Variants in ARHGEF4 observed in about 807,000 individuals in gnomAD.
ARHGEF4 encodes the protein Rho guanine nucleotide exchange factor 4, also known as APC-stimulated guanine nucleotide exchange factor 1.
ARHGEF4 carries 119 observed loss-of-function variants against 162.0 expected under a neutral mutation model. That is an observed-to-expected ratio of 0.73 (90% CI 0.63 to 0.86). ARHGEF4 has a LOEUF of 0.86. Ranked by LOEUF, ARHGEF4 falls within the 40% of genes least tolerant of loss-of-function variation. ARHGEF4 has a pLI of 0.00. For missense variants in ARHGEF4, 2,488 were observed against 2,456.0 expected, an observed-to-expected ratio of 1.01 and a Z score of -0.28; for synonymous variants, 1,014 against 979.9, an observed-to-expected ratio of 1.03 and a Z score of -0.65.
At chr2:130,927,259 T>G (rs1682351935) in intron 2 of ARHGEF4, among the ~76,000 whole-genome samples, 1 of 152,130 alleles carries the variant, frequency 6.6e-6, no homozygotes, top group South Asian at 2.1e-4. Flanking sequence ...CTAGCAGGCC[T>G]TCTCCTGCAT....
intron 4 of ARHGEF4, among the ~76,000 whole-genome samples, chr2:130,964,942 G>A (rs556708828): frequency 1.3e-5 from 2 of 152,330 alleles, no homozygotes; most frequent in Admixed American, 1.3e-4. Context: ...GTCAAGAGTG[G>A]TTTTATGAAT....
chr2:131,011,628 CA>C lies in ARHGEF4; in HGVS notation c.3986-16313del, dbSNP rs929324999. On this transcript the variant is annotated intron_variant, in intron 4 of 13. Transcript: ENST00000409359. ...ATTGGTCGTTCCTGGTAGCTTCTCT[CA>C]AAACTGGTTAACTGAGATTGGTCAA... 49 of 1,532,188 alleles carry C rather than the reference CA, an allele frequency of 3.2e-5. No homozygotes were observed. The Middle Eastern group carries it at 4.1e-3, about 130-fold the overall frequency. The allele number at this position is 1,532,188 out of a possible 1,614,324, so 94.9% of individuals were successfully genotyped here. A position where few individuals can be genotyped will look rare whatever the true frequency, so the allele number is the denominator to read the frequency against.
chr2:130,959,407 G>A (rs1288827725), intron 4 of ARHGEF4, among the ~76,000 whole-genome samples: 1 of 152,150 alleles, frequency 6.6e-6, no homozygotes, highest in Non-Finnish European at 1.5e-5. Context: ...GTTGCACAGT[G>A]GTTCAAAGCA....
intron 5 of ARHGEF4, among the ~76,000 whole-genome samples, chr2:131,029,983 C>T (rs1242987422): frequency 6.6e-6 from 1 of 152,208 alleles, no homozygotes; most frequent in Non-Finnish European, 1.5e-5. Flanking sequence ...AGCTGGTTCA[C>T]ATGGCTGTGA....
intron 3 of ARHGEF4, among the ~76,000 whole-genome samples, chr2:130,937,802 G>A (rs1683052410): frequency 6.6e-6 from 1 of 151,910 alleles, no homozygotes; most frequent in Admixed American, 6.6e-5. Flanking sequence ...CAAGTTGCTG[G>A]GACTACAGGC....
intron 1 of ARHGEF4, chr2:130,837,700 A>G (rs1259342562): frequency 2.3e-6 from 1 of 426,874 alleles, no homozygotes. Context: ...CGACCTCCCC[A>G]GGTGAGCCAG....
At position 130,847,871 on chromosome 2, in the gene ARHGEF4, G is replaced by A. The variant is rs1213454871; in HGVS notation, c.39+10879G>A. 3.9e-5 allele frequency among the ~76,000 whole-genome samples: 6 copies of A among 152,350 alleles called. No homozygotes were observed. In the East Asian group the frequency reaches 1.2e-3, roughly 29 times the overall value. On this transcript the variant is annotated intron_variant, in intron 1 of 13. Transcript: ENST00000409359. Reference sequence around the variant, plus strand: ...TCCACTGCCCCTGGCATGAGGGCCTGCGTGCCCTGACCCTCCCCACAGCCC... The same window carrying A: ...TCCACTGCCCCTGGCATGAGGGCCTACGTGCCCTGACCCTCCCCACAGCCC...
intron 4 of ARHGEF4, among the ~76,000 whole-genome samples, chr2:130,968,198 A>G (rs4850159): frequency 0.79 from 120,050 of 152,168 alleles, 48,420 homozygotes; most frequent in East Asian, 1. Flanking sequence ...GGATATTCCT[A>G]GGGCTTAAAG....
intron 1 of ARHGEF4, among the ~76,000 whole-genome samples, chr2:130,904,720 A>G (rs1410735846): frequency 6.6e-6 from 1 of 152,150 alleles, no homozygotes; most frequent in Non-Finnish European, 1.5e-5. Context: ...AAATATTTTT[A>G]AATTATGAAG....
At chr2:130,950,693 A>ACCCC (rs1411949488) in intron 4 of ARHGEF4, among the ~76,000 whole-genome samples, 1 of 141,008 alleles carries the variant, frequency 7.1e-6, no homozygotes, top group Non-Finnish European at 1.5e-5. Context: ...ATTACCCCCC[A>ACCCC]CCACCACCCG....
At chr2:130,883,081 T>C (rs1679298833) in intron 1 of ARHGEF4, among the ~76,000 whole-genome samples, 1 of 152,088 alleles carries the variant, frequency 6.6e-6, no homozygotes, top group African/African-American at 2.4e-5. Flanking sequence ...ATGAGTTATT[T>C]TCCAGGATAC....
intron 4 of ARHGEF4, among the ~76,000 whole-genome samples, chr2:131,004,523 A>G (rs889429932): frequency 6.6e-6 from 1 of 151,968 alleles, no homozygotes; most frequent in Admixed American, 6.6e-5. Context: ...CTTTTCCTCA[A>G]AGTAAGGAGA....
chr2:130,850,365 C>T (rs747075589), intron 1 of ARHGEF4, among the ~76,000 whole-genome samples: 38 of 152,210 alleles, frequency 2.5e-4, no homozygotes, highest in African/African-American at 6.5e-4. Flanking sequence ...TGATGATACC[C>T]GTGTCCCAAG....
At chr2:131,044,592 T>C in intron 12 of ARHGEF4, 50 bp downstream of exon 12, 1 of 1,521,568 alleles carries the variant, frequency 6.6e-7, no homozygotes. Context: ...CACCCGGCGC[T>C]CCCGCCTGCC....
At chr2:130,841,662 G>C (rs1680621504) in intron 1 of ARHGEF4, among the ~76,000 whole-genome samples, 1 of 152,206 alleles carries the variant, frequency 6.6e-6, no homozygotes, top group Admixed American at 6.5e-5. Flanking sequence ...AATATTCCAA[G>C]CTGTTGGTGT....
rs987454486 is a variant in ARHGEF4, at chr2:130,935,472, T to C, written c.3858+4215T>C. Among the ~76,000 whole-genome samples, 6 of 152,254 alleles carry C rather than the reference T, an allele frequency of 3.9e-5. No individual in the cohort carries two copies. The East Asian group carries it at 7.7e-4, about 20-fold the overall frequency. On this transcript the variant is annotated intron_variant, in intron 3 of 13. Coordinates refer to ENST00000409359, the MANE Select transcript of ARHGEF4 (RefSeq NM_001367493.1). ...AGACTAAAAATGTAAAATTGGACTA[T>C]TGATTTGAGAAATTCTTTTTTAATT...
intron 10 of ARHGEF4, among the ~76,000 whole-genome samples, chr2:131,042,332 G>A (rs1690879686): frequency 6.6e-6 from 1 of 152,176 alleles, no homozygotes; most frequent in Non-Finnish European, 1.5e-5. Flanking sequence ...AACACAGCAT[G>A]ACCAAAAATG....
At chr2:130,880,322 A>G (rs970511896) in intron 1 of ARHGEF4, among the ~76,000 whole-genome samples, 3 of 152,234 alleles carry the variant, frequency 2.0e-5, no homozygotes, top group African/African-American at 7.2e-5. Flanking sequence ...ACCCATGTCC[A>G]TCTGCCTGAA....
intron 1 of ARHGEF4, among the ~76,000 whole-genome samples, chr2:130,850,407 A>G (rs1681323771): frequency 6.6e-6 from 1 of 152,224 alleles, no homozygotes; most frequent in Non-Finnish European, 1.5e-5. Flanking sequence ...GCCTGTGGCC[A>G]GAGGCTTTCT....
Sources: gnomAD v4.1 joint callset for allele counts (sites outside exome capture counted in the v4.1 genomes callset) on GRCh38, gnomAD v4.1.1 for gene constraint, MANE v1.5 for transcripts, NCBI Gene and HGNC (gene_info 2026-07-23, HGNC 2026-07-21) for gene names.